Variants in EPHA6 observed in about 807,000 individuals in gnomAD.
EPHA6 encodes the protein ephrin type-A receptor 6.
EPHA6 carries 50 observed loss-of-function variants against 112.0 expected under a neutral mutation model. The observed-to-expected ratio is 0.45, with a 90% confidence interval of 0.36 to 0.56. The LOEUF is 0.56. Among genes scored for constraint, EPHA6 ranks in the 20% least tolerant of loss-of-function variants. EPHA6 has a pLI of 0.00. For missense variants in EPHA6, 1,280 were observed against 1,417.4 expected (o/e 0.90, Z 1.56); for synonymous variants, 529 against 490.7 (o/e 1.08, Z -1.03).
At chr3:97,115,782 G>T (rs2047867890) in intron 3 of EPHA6, among the ~76,000 whole-genome samples, 1 of 151,780 alleles carries the variant, frequency 6.6e-6, no homozygotes, top group African/African-American at 2.4e-5. Flanking sequence ...ACTCCATATT[G>T]TTATAGAATG....
At chr3:97,214,380 G>A (rs2077971705) in intron 3 of EPHA6, among the ~76,000 whole-genome samples, 2 of 150,494 alleles carry the variant, frequency 1.3e-5, no homozygotes, top group African/African-American at 2.4e-5. Context: ...AAGAAAGTTG[G>A]ATTGAATATT....
At chr3:97,700,289 T>C (rs1179182081) in intron 14 of EPHA6, among the ~76,000 whole-genome samples, 2 of 152,210 alleles carry the variant, frequency 1.3e-5, no homozygotes, top group East Asian at 3.9e-4. Context: ...GTGACCAAAG[T>C]TCGCCATATT....
chr3:96,830,984 T>C (rs183041675), intron 1 of EPHA6, among the ~76,000 whole-genome samples: 8 of 151,946 alleles, frequency 5.3e-5, no homozygotes, highest in East Asian at 1.9e-4. Context: ...TGTATATATA[T>C]ACACACACAC....
At chr3:97,042,036 G>A (rs1192642028) in intron 3 of EPHA6, among the ~76,000 whole-genome samples, 1 of 152,082 alleles carries the variant, frequency 6.6e-6, no homozygotes, top group African/African-American at 2.4e-5. Flanking sequence ...TGTCATAGTT[G>A]TCCAGGGTAT....
chr3:97,234,350 T>A (rs1001713602), intron 4 of EPHA6, among the ~76,000 whole-genome samples: 2 of 152,164 alleles, frequency 1.3e-5, no homozygotes, highest in African/African-American at 4.8e-5. Context: ...TTTTCTCTTC[T>A]CTAAAACAAA....
intron 3 of EPHA6, among the ~76,000 whole-genome samples, chr3:97,186,178 G>C (rs146667895): frequency 2.2e-4 from 33 of 151,036 alleles, no homozygotes; most frequent in African/African-American, 7.6e-4. Context: ...TAACCTGCAC[G>C]TTGTGCACAT....
In EPHA6 at chr3:97,592,713, T is replaced by A. The variant is rs778369725; in HGVS notation, c.2488T>A (p.Ser830Thr). Reference sequence around the variant, plus strand: ...CCCGCATCCAGTGCCAGGGGGAGGATCTTTGCCCCCCAGGATTCCTGCTGG... The same window carrying A: ...CCCGCATCCAGTGCCAGGGGGAGGAACTTTGCCCCCCAGGATTCCTGCTGG... ...QAPHPVPGGG[S>T]LPPRIPAGRP... The change falls in exon 12 of 18, where the codon TCT (serine) becomes ACT (threonine). Residue 830 changes from serine to threonine, a missense_variant. Coordinates refer to ENST00000389672, the MANE Select transcript of EPHA6 (RefSeq NM_001080448.3). 16 of 1,601,170 alleles carry A rather than the reference T, an allele frequency of 1.0e-5. No individual in the cohort carries two copies. In the Middle Eastern group the frequency reaches 5.0e-4, roughly 50 times the overall value.
chr3:97,241,179 T>TA lies in EPHA6; in HGVS notation c.1271-2762dup, dbSNP rs35234856. The stretch of plus-strand genomic sequence containing the variant: ...AAGCAAAAGAAAAGTGTTTTCTAGT[T>TA]AAAAAAAAAAAGCTAGTGGAAAATA... On this transcript the variant is annotated intron_variant, in intron 4 of 17. Transcript: ENST00000389672. Among the ~76,000 whole-genome samples the TA allele has an allele frequency of 8.2e-3, 1,177 of 143,974 alleles. 7 individuals are homozygous for TA. The highest frequency in any genetic ancestry group is 0.024 in the African/African-American group (948 of 39,758). 94.5% of individuals were successfully genotyped at this position (143,974 alleles called of 152,430 possible). A position where few individuals can be genotyped will look rare whatever the true frequency, so the allele number is the denominator to read the frequency against.
At chr3:97,258,669 G>T (rs1211279153) in intron 5 of EPHA6, among the ~76,000 whole-genome samples, 1 of 151,980 alleles carries the variant, frequency 6.6e-6, no homozygotes, top group Non-Finnish European at 1.5e-5. Flanking sequence ...ATCATGTATA[G>T]AGATGGGAAA....
Position 97,187,689 on chromosome 3 carries a change from G to GA in EPHA6, c.1115-38572dup, listed in dbSNP as rs1334365218. On this transcript the variant is annotated intron_variant, in intron 3 of 17. Transcript: ENST00000389672. ...AAAGAAAGAAAGAGAAAGAAAGAAG[G>GA]AAAGAAAGAAAGAAAGAAAGAAAGA... Among the ~76,000 whole-genome samples, 3 of 20,092 alleles carry GA rather than the reference G, an allele frequency of 1.5e-4. No individual in the cohort carries two copies. The East Asian group carries it at 6.4e-3, about 43-fold the overall frequency. The allele number at this position is 20,092 out of a possible 152,430, so 13.2% of individuals were successfully genotyped here.
rs1006155145 is a variant in EPHA6, at chr3:97,217,622, G to A, written c.1115-8642G>A. Among the ~76,000 whole-genome samples the A allele has an allele frequency of 2.6e-5, 4 of 152,104 alleles. No individual in the cohort carries two copies. In the East Asian group the frequency reaches 5.8e-4, roughly 22 times the overall value. ...ACTTCTGGGATTGACAGATATATTC[G>A]CTATCTTGATTGTGCCAAGTTTTCA... On this transcript the variant is annotated intron_variant, in intron 3 of 17. Coordinates refer to ENST00000389672, the MANE Select transcript of EPHA6 (RefSeq NM_001080448.3).
At chr3:97,192,994 C>A (rs571242969) in intron 3 of EPHA6, among the ~76,000 whole-genome samples, 14 of 152,222 alleles carry the variant, frequency 9.2e-5, no homozygotes, top group African/African-American at 2.6e-4. Context: ...TTCCACTGGT[C>A]TTCGTGTCTG....
At chr3:96,940,465 A>G (rs1169071936) in intron 2 of EPHA6, among the ~76,000 whole-genome samples, 1 of 151,912 alleles carries the variant, frequency 6.6e-6, no homozygotes, top group African/African-American at 2.4e-5. Flanking sequence ...ATCTTCCTCC[A>G]TCCCTTTCTT....
chr3:97,107,075 T>G (rs576512007), intron 3 of EPHA6, among the ~76,000 whole-genome samples: 61 of 152,238 alleles, frequency 4.0e-4, no homozygotes, highest in African/African-American at 1.3e-3. Flanking sequence ...GTTGAATGAA[T>G]GGTTGAATAA....
intron 6 of EPHA6, among the ~76,000 whole-genome samples, chr3:97,434,004 T>C (rs1425369546): frequency 6.6e-6 from 1 of 151,730 alleles, no homozygotes; most frequent in Non-Finnish European, 1.5e-5. Flanking sequence ...GTACTTTGAA[T>C]TTCAGAGATT....
At chr3:97,310,916 A>T (rs893844313) in intron 5 of EPHA6, among the ~76,000 whole-genome samples, 1 of 151,684 alleles carries the variant, frequency 6.6e-6, no homozygotes, top group Non-Finnish European at 1.5e-5. Flanking sequence ...TTGTACAGCT[A>T]ACCCTGATAT....
chr3:97,041,607 TC>T (rs527518743), intron 3 of EPHA6, among the ~76,000 whole-genome samples: 122 of 152,242 alleles, frequency 8.0e-4, no homozygotes, highest in African/African-American at 2.8e-3. Flanking sequence ...CAACCTGTAG[TC>T]TATTCTCACA....
At chr3:97,367,800 TC>T (rs1357783552) in intron 5 of EPHA6, among the ~76,000 whole-genome samples, 1 of 152,094 alleles carries the variant, frequency 6.6e-6, no homozygotes, top group African/African-American at 2.4e-5. Flanking sequence ...AGCCAGAATA[TC>T]TATATTAAAT....
At chr3:97,712,438 AAGAAGTGATAGGTTGTTT>A (rs1293708364) in intron 14 of EPHA6, among the ~76,000 whole-genome samples, 4 of 152,226 alleles carry the variant, frequency 2.6e-5, no homozygotes, top group Non-Finnish European at 5.9e-5. Flanking sequence ...TCAAAACCAT[AAGAAGTGATAGGTTGTTT>A]TGAAAAAATT....
Sources: allele counts gnomAD v4.1 joint callset (sites outside exome capture counted in the v4.1 genomes callset), GRCh38; gene constraint gnomAD v4.1.1; transcripts MANE v1.5; gene names NCBI Gene and HGNC (gene_info 2026-07-23, HGNC 2026-07-21).